NDUFV2: variants seen among roughly 807,000 people sequenced by gnomAD.
NDUFV2 encodes NADH:ubiquinone oxidoreductase core subunit V2, also known as NADH dehydrogenase [ubiquinone] flavoprotein 2, mitochondrial.
In NDUFV2, 18 loss-of-function variants were observed where a neutral mutation model predicts 31.6. The observed-to-expected ratio is 0.57, with a 90% confidence interval of 0.39 to 0.84. The LOEUF (loss-of-function observed/expected upper bound fraction) is 0.84. NDUFV2 is among the 40% of genes least tolerant of loss of function. The pLI is 0.00. For synonymous variants in NDUFV2, 83 were observed against 99.8 expected, an observed-to-expected ratio of 0.83 and a Z score of 1.01; for missense variants, 314 against 303.6, an observed-to-expected ratio of 1.03 and a Z score of -0.26.
At chr18:9,120,556 C>G (rs183862763) in intron 4 of NDUFV2, among the ~76,000 whole-genome samples, 24 of 152,320 alleles carry the variant, frequency 1.6e-4, no homozygotes, top group African/African-American at 5.1e-4. Context: ...GCTAGACAAT[C>G]ATCTTTCTGA....
intron 7 of NDUFV2, among the ~76,000 whole-genome samples, chr18:9,133,179 G>A (rs2078055359): frequency 6.6e-6 from 1 of 152,184 alleles, no homozygotes; most frequent in Admixed American, 6.5e-5. Context: ...GGGCTCTAAA[G>A]AACAGACTTA....
chr18:9,126,575 C>CT (rs1165334641), intron 6 of NDUFV2: 6 of 439,242 alleles, frequency 1.4e-5, no homozygotes, highest in African/African-American at 2.0e-5. Flanking sequence ...GCCTTGGTAA[C>CT]TATCTTGTGA....
intron 7 of NDUFV2, among the ~76,000 whole-genome samples, chr18:9,127,661 C>T (rs1229285129): frequency 2.0e-5 from 3 of 151,944 alleles, no homozygotes; most frequent in Non-Finnish European, 4.4e-5. Context: ...TTAGTAGTGA[C>T]GGGGTTTCAC....
intron 4 of NDUFV2, among the ~76,000 whole-genome samples, chr18:9,121,661 A>G (rs1169872820): frequency 6.6e-6 from 1 of 152,248 alleles, no homozygotes; most frequent in South Asian, 2.1e-4. Flanking sequence ...ATAATAGGTC[A>G]CCTAGAAAGT....
chr18:9,129,498 C>T (rs1156498679), intron 7 of NDUFV2, among the ~76,000 whole-genome samples: 1 of 152,034 alleles, frequency 6.6e-6, no homozygotes, highest in East Asian at 1.9e-4. Flanking sequence ...GTGATGGAGA[C>T]AGATGACTAG....
rs78506778 is a variant in NDUFV2, at chr18:9,109,019, C to A, written c.54+6222C>A. On this transcript the variant is annotated intron_variant, in intron 1 of 7. Coordinates refer to ENST00000318388, the MANE Select transcript of NDUFV2 (RefSeq NM_021074.5). ...GGATTTTTTTTAAATGTAAAATTAC[C>A]TAGTCTGAATGAATGTATTGCAGAC... Among the ~76,000 whole-genome samples, 212 of 152,236 alleles carry A rather than the reference C, an allele frequency of 1.4e-3. 1 individual carries two copies. Among genetic ancestry groups the A allele is most frequent in the African/African-American group, 5.0e-3 (206 of 41,540 alleles).
intron 1 of NDUFV2, among the ~76,000 whole-genome samples, chr18:9,112,214 T>C (rs1443007859): frequency 1.3e-5 from 2 of 151,770 alleles, no homozygotes; most frequent in African/African-American, 4.8e-5. Context: ...AGATGGGGTT[T>C]CACCATATTG....
intron 1 of NDUFV2, chr18:9,104,318 C>T (rs1474922263): frequency 2.5e-6 from 4 of 1,595,176 alleles, no homozygotes; most frequent in African/African-American, 2.7e-5. Flanking sequence ...TTTTAGAGGC[C>T]GTCAGGAGTC....
intron 5 of NDUFV2, among the ~76,000 whole-genome samples, chr18:9,123,800 T>A (rs1053502028): frequency 3.3e-5 from 5 of 152,178 alleles, no homozygotes; most frequent in Non-Finnish European, 7.4e-5. Context: ...CTGCCTCATT[T>A]TTCTTTTACA....
intron 4 of NDUFV2, among the ~76,000 whole-genome samples, chr18:9,120,529 T>C (rs2077927252): frequency 6.6e-6 from 1 of 152,196 alleles, no homozygotes; most frequent in African/African-American, 2.4e-5. Context: ...TAAACTTAAT[T>C]TGGTTATAAC....
At chr18:9,115,181 A>C (rs537849570) in intron 1 of NDUFV2, among the ~76,000 whole-genome samples, 1 of 152,322 alleles carries the variant, frequency 6.6e-6, no homozygotes, top group East Asian at 1.9e-4. Context: ...GAAAAATATA[A>C]AAAATGTAAA....
chr18:9,129,475 CAT>C (rs1465003606), intron 7 of NDUFV2, among the ~76,000 whole-genome samples: 1 of 152,116 alleles, frequency 6.6e-6, no homozygotes, highest in South Asian at 2.1e-4. Context: ...ATAAAGTTCT[CAT>C]ATATCTTCTA....
At chr18:9,126,457 A>G (rs1342278654) in intron 6 of NDUFV2, among the ~76,000 whole-genome samples, 2 of 152,214 alleles carry the variant, frequency 1.3e-5, no homozygotes, top group Non-Finnish European at 2.9e-5. Context: ...AAATGCAAAT[A>G]TGTTTCAATT....
At chr18:9,104,121 A>C in intron 1 of NDUFV2, 1 of 1,611,148 alleles carries the variant, frequency 6.2e-7, no homozygotes. Flanking sequence ...ATACTAACAG[A>C]TTGGGCATGG....
intron 1 of NDUFV2, among the ~76,000 whole-genome samples, chr18:9,112,932 A>C (rs2077879039): frequency 6.6e-6 from 1 of 152,230 alleles, no homozygotes; most frequent in Admixed American, 6.5e-5. Context: ...TATGTTGCAT[A>C]TATTATATAT....
chr18:9,114,004 C>T (rs902648540), intron 1 of NDUFV2, among the ~76,000 whole-genome samples: 15 of 152,152 alleles, frequency 9.9e-5, no homozygotes, highest in Non-Finnish European at 2.9e-5. Context: ...TGCTAAGGGA[C>T]CTTGAGCTTG....
intron 7 of NDUFV2, chr18:9,133,322 G>A (rs2078056990): frequency 6.6e-6 from 1 of 152,350 alleles, no homozygotes; most frequent in Admixed American, 6.5e-5. Flanking sequence ...GTGGTGGAGG[G>A]GTGACATACA....
intron 7 of NDUFV2, among the ~76,000 whole-genome samples, chr18:9,130,119 A>G (rs941588042): frequency 2.0e-5 from 3 of 152,200 alleles, no homozygotes; most frequent in African/African-American, 7.2e-5. Context: ...AACCTGGAAT[A>G]TAGGGAATAG....
intron 2 of NDUFV2, among the ~76,000 whole-genome samples, chr18:9,118,121 A>T (rs2077908301): frequency 6.6e-6 from 1 of 152,208 alleles, no homozygotes; most frequent in Non-Finnish European, 1.5e-5. Flanking sequence ...TCTGGGAATA[A>T]GAATTTATTT....
Sources: allele counts gnomAD v4.1 joint callset (sites outside exome capture counted in the v4.1 genomes callset), GRCh38; gene constraint gnomAD v4.1.1; transcripts MANE v1.5; gene names NCBI Gene and HGNC (gene_info 2026-07-23, HGNC 2026-07-21).